Variants in FZR1 observed in about 807,000 individuals in gnomAD.
FZR1 encodes fizzy-related protein homolog.
FZR1 carries 11 observed loss-of-function variants against 63.6 expected under a neutral mutation model. The ratio of observed to expected loss-of-function variants is 0.17; its 90% CI spans 0.11 to 0.29. FZR1 has a LOEUF of 0.29. Ranked by LOEUF, FZR1 falls within the 10% of genes least tolerant of loss-of-function variation. The pLI, the probability that FZR1 is intolerant of heterozygous loss-of-function variation, is 1.00. For missense variants in FZR1, 440 were observed against 687.5 expected (o/e 0.64, Z 4.03); for synonymous variants, 328 against 297.9 (o/e 1.10, Z -1.04).
At chr19:3,510,411 T>C (rs1978236) in intron 1 of FZR1, among the ~76,000 whole-genome samples, 142,114 of 152,346 alleles carry the variant, frequency 0.93, 66,411 homozygotes, top group East Asian at 1. Context: ...CTGGGATTAC[T>C]GGCGGAGCCA....
In FZR1 at chr19:3,537,721, G is replaced by C. The variant is rs1472204005; in HGVS notation, c.*2885G>C. 6.5e-6 allele frequency: 1 copy of C among 152,738 alleles called. No individual in the cohort carries two copies. Among genetic ancestry groups the C allele is most frequent in the Non-Finnish European group, 1.5e-5 (1 of 68,470 alleles). 9.5% of individuals were successfully genotyped at this position (152,738 alleles called of 1,614,324 possible). On this transcript the variant is annotated 3_prime_UTR_variant, in exon 14 of 14. Coordinates refer to ENST00000441788, the MANE Select transcript of FZR1 (RefSeq NM_016263.4). ...CGCTCTTGCGCGGTGCCTGAGAAGAGGGTGAAGGAGCTGGGGCAGGCCCCA... is the reference window on the plus strand; with the variant it reads ...CGCTCTTGCGCGGTGCCTGAGAAGACGGTGAAGGAGCTGGGGCAGGCCCCA...
At position 3,529,925 on chromosome 19, in the gene FZR1, C is replaced by T. The variant is rs1449624190; in HGVS notation, c.655-867C>T. Among the ~76,000 whole-genome samples, 5 of 86,174 alleles carry T rather than the reference C, an allele frequency of 5.8e-5. 1 individual carries two copies. The highest frequency in any genetic ancestry group is 9.4e-5 in the Non-Finnish European group (4 of 42,404). 56.5% of individuals were successfully genotyped at this position (86,174 alleles called of 152,430 possible). On this transcript the variant is annotated intron_variant, in intron 7 of 13. Coordinates refer to ENST00000441788, the MANE Select transcript of FZR1 (RefSeq NM_016263.4). ...GTGGTTGAGGGAGCGGATGGGTGAGCGGATGGGAGAGCGCATGGGTGAGCA... is the reference window on the plus strand; with the variant it reads ...GTGGTTGAGGGAGCGGATGGGTGAGTGGATGGGAGAGCGCATGGGTGAGCA...
Position 3,535,009 on chromosome 19 carries a change from A to T in FZR1, c.*173A>T. On this transcript the variant is annotated 3_prime_UTR_variant, in exon 14 of 14. Coordinates refer to ENST00000441788, the MANE Select transcript of FZR1 (RefSeq NM_016263.4). Reference sequence around the variant, plus strand: ...CTCATTAAATGCCTGATTGTGAACCATGTCCACCAGTATCTGGGGTGGGCA... The same window carrying T: ...CTCATTAAATGCCTGATTGTGAACCTTGTCCACCAGTATCTGGGGTGGGCA... 1 of 620,516 alleles carries T rather than the reference A, an allele frequency of 1.6e-6. No homozygotes were observed. Among genetic ancestry groups the T allele is most frequent in the East Asian group, 2.8e-5 (1 of 36,054 alleles). The allele number at this position is 620,516 out of a possible 1,614,324, so 38.4% of individuals were successfully genotyped here. A position where few individuals can be genotyped will look rare whatever the true frequency, so the allele number is the denominator to read the frequency against.
In FZR1 at chr19:3,525,708, C is replaced by T. The variant is rs1038792869; in HGVS notation, c.70-160C>T. On this transcript the variant is annotated intron_variant, in intron 2 of 13. Coordinates refer to ENST00000441788, the MANE Select transcript of FZR1 (RefSeq NM_016263.4). This position sits in a 1 kb window ranked among gnomAD's most constrained non-coding sequence, Gnocchi z 4.2. Reference sequence around the variant, plus strand: ...CCGCCCGCCTCGGCCTCCCAAAGTGCTGGGATTACGGGCGTGAGCCACCGC... The same window carrying T: ...CCGCCCGCCTCGGCCTCCCAAAGTGTTGGGATTACGGGCGTGAGCCACCGC... Among the ~76,000 whole-genome samples the T allele has an allele frequency of 5.9e-5, 9 of 152,222 alleles. No homozygotes were observed. Among genetic ancestry groups the T allele is most frequent in the African/African-American group, 2.2e-4 (9 of 41,546 alleles).
intron 1 of FZR1, among the ~76,000 whole-genome samples, chr19:3,513,781 G>A (rs1311882370): frequency 2.6e-5 from 4 of 152,170 alleles, no homozygotes; most frequent in Non-Finnish European, 5.9e-5. Flanking sequence ...CTCACCTGCA[G>A]GCTGGAGTTA....
rs2083117605 is a variant in FZR1, at chr19:3,523,012, G to A, written c.23G>A (p.Arg8His). The A allele has an allele frequency of 1.2e-6, 2 of 1,611,708 alleles. No homozygotes were observed. The highest frequency in any genetic ancestry group is 1.7e-6 in the Non-Finnish European group (2 of 1,178,904). Reference protein sequence around the residue: MDQDYERRLLRQIVIQNE... With the variant: MDQDYERHLLRQIVIQNE... ...GCCATGGACCAGGACTATGAGCGGCGCCTGCTTCGCCAGATCGTCATCCAG... is the reference window on the plus strand; with the variant it reads ...GCCATGGACCAGGACTATGAGCGGCACCTGCTTCGCCAGATCGTCATCCAG... Residue 8 changes from arginine to histidine, a missense_variant, in exon 2 of 14, where the codon CGC (arginine) becomes CAC (histidine). Physicochemically the swap from Arg to His is conservative, Grantham distance 29 (BLOSUM62 0). This residue lies in a region of FZR1 where 200 missense variants were observed against 245.1 expected (regional missense o/e 0.82). Coordinates refer to ENST00000441788, the MANE Select transcript of FZR1 (RefSeq NM_016263.4).
chr19:3,533,454 GC>G lies in FZR1; in HGVS notation c.1347+58del, dbSNP rs1162691909. ...CCGGGATTCTGGACAAACTGCCATG[GC>G]CACCCCAGAGCACCCTGTCCTGTGT... On this transcript the variant is annotated intron_variant, in intron 12 of 13. Transcript: ENST00000441788. The surrounding 1 kb of genome is among the most constrained non-coding windows in gnomAD (Gnocchi z 4.9). The G allele has an allele frequency of 2.8e-6, 3 of 1,059,346 alleles. No homozygotes were observed. The African/African-American group carries it at 4.7e-5, about 17-fold the overall frequency. 65.6% of individuals were successfully genotyped at this position (1,059,346 alleles called of 1,614,324 possible). A position where few individuals can be genotyped will look rare whatever the true frequency, so the allele number is the denominator to read the frequency against.
In FZR1 at chr19:3,533,253, C is replaced by T. The variant is rs776993603; in HGVS notation, c.1243-41C>T. The T allele has an allele frequency of 2.0e-5, 25 of 1,252,156 alleles. No homozygotes were observed. The highest frequency in any genetic ancestry group is 1.3e-4 in the African/African-American group (9 of 67,868). 77.6% of individuals were successfully genotyped at this position (1,252,156 alleles called of 1,614,324 possible). A position where few individuals can be genotyped will look rare whatever the true frequency, so the allele number is the denominator to read the frequency against. ...AGGCAGCAGGCATAGCACCCGGCCT[C>T]GTTGCCCCTCACCGACCGCAGCGCC... On this transcript the variant is annotated intron_variant, in intron 11 of 13. Coordinates refer to ENST00000441788, the MANE Select transcript of FZR1 (RefSeq NM_016263.4). The surrounding 1 kb of genome is among the most constrained non-coding windows in gnomAD (Gnocchi z 4.9).
At position 3,533,528 on chromosome 19, in the gene FZR1, G is replaced by A; in HGVS notation, c.1347+130G>A. On this transcript the variant is annotated intron_variant, in intron 12 of 13. Coordinates refer to ENST00000441788, the MANE Select transcript of FZR1 (RefSeq NM_016263.4). The surrounding 1 kb of genome is among the most constrained non-coding windows in gnomAD (Gnocchi z 4.9). ...ATCTAAAACCCCGTGGGACCCAGCA[G>A]CAGGGGCCGGCAGGGCATCTGGTGC... 1.6e-6 allele frequency: 1 copy of A among 622,682 alleles called. No homozygotes were observed. The highest frequency in any genetic ancestry group is 2.8e-5 in the East Asian group (1 of 35,332). 38.6% of individuals were successfully genotyped at this position (622,682 alleles called of 1,614,324 possible). A position where few individuals can be genotyped will look rare whatever the true frequency, so the allele number is the denominator to read the frequency against.
rs559477134 is a variant in FZR1 at position 3,535,242 on chromosome 19, C to T, written c.*406C>T. 15 of 185,568 alleles carry T rather than the reference C, an allele frequency of 8.1e-5. No homozygotes were observed. Among genetic ancestry groups the T allele is most frequent in the South Asian group, 2.2e-4 (2 of 9,268 alleles). 11.5% of individuals were successfully genotyped at this position (185,568 alleles called of 1,614,324 possible). On this transcript the variant is annotated 3_prime_UTR_variant, in exon 14 of 14. Transcript: ENST00000441788. ...CGTCTGCACAGAACAGACCACCAGA[C>T]GCCAGGGCTGATTGGTGGGGGCCTG...
chr19:3,526,406 C>CA lies in FZR1; in HGVS notation c.387+21dup. On this transcript the variant is annotated intron_variant, in intron 5 of 13. Coordinates refer to ENST00000441788, the MANE Select transcript of FZR1 (RefSeq NM_016263.4). The surrounding 1 kb of genome is among the most constrained non-coding windows in gnomAD (Gnocchi z 5.4). ...TTCACGGTAAGCCTGCGGCACCCCC[C>CA]ACCCGGGAGCTGGCTCCCAGTGCAG... 1 of 1,548,584 alleles carries CA rather than the reference C, an allele frequency of 6.5e-7. No individual in the cohort carries two copies. The highest frequency in any genetic ancestry group is 8.7e-7 in the Non-Finnish European group (1 of 1,145,804).
chr19:3,513,053 T>C (rs2083034906), intron 1 of FZR1, among the ~76,000 whole-genome samples: 1 of 151,966 alleles, frequency 6.6e-6, no homozygotes, highest in Non-Finnish European at 1.5e-5. Context: ...GCCTTTCACA[T>C]GAGGAGGGGG....
intron 1 of FZR1, among the ~76,000 whole-genome samples, chr19:3,510,992 C>T (rs1210459011): frequency 1.3e-5 from 2 of 152,264 alleles, no homozygotes; most frequent in Admixed American, 6.5e-5. Flanking sequence ...CGCCTCACCT[C>T]GCCTGGGACC....
At position 3,514,361 on chromosome 19, in the gene FZR1, T is replaced by C. The variant is rs2083043831; in HGVS notation, c.-35+7887T>C. Among the ~76,000 whole-genome samples the C allele has an allele frequency of 2.6e-5, 4 of 152,166 alleles. No individual in the cohort carries two copies. ...TGCCCGAGAGCAGGGTCTCTGCCCT[T>C]GCACCCTGTGGACATTGGGGCCGGA... On this transcript the variant is annotated intron_variant, in intron 1 of 13. Coordinates refer to ENST00000441788, the MANE Select transcript of FZR1 (RefSeq NM_016263.4). This position sits in a 1 kb window ranked among gnomAD's most constrained non-coding sequence, Gnocchi z 4.2.
intron 8 of FZR1, among the ~76,000 whole-genome samples, chr19:3,531,166 A>G (rs1280328791): frequency 2.0e-5 from 3 of 152,126 alleles, no homozygotes; most frequent in African/African-American, 4.8e-5. Context: ...CTCAGGGTCG[A>G]GTGGGCTTTA....
intron 10 of FZR1, 106 bp from the exon 11 acceptor site, chr19:3,532,308 CAGG>C: frequency 2.2e-6 from 2 of 903,492 alleles, no homozygotes; most frequent in South Asian, 1.7e-5. Flanking sequence ...GAGGGAGCAG[CAGG>C]AGGAGTGTGG....
Position 3,525,754 on chromosome 19 carries a change from T to A in FZR1, c.70-114T>A, listed in dbSNP as rs1271244493. On this transcript the variant is annotated intron_variant, in intron 2 of 13. Coordinates refer to ENST00000441788, the MANE Select transcript of FZR1 (RefSeq NM_016263.4). This position sits in a 1 kb window ranked among gnomAD's most constrained non-coding sequence, Gnocchi z 4.2. ...ACCGCGCCTGGCCCACCCCTTGGGT[T>A]TTCAAGATCAAAGCCCCCTTTGCTC... 10 of 1,349,622 alleles carry A rather than the reference T, an allele frequency of 7.4e-6. No homozygotes were observed. In the East Asian group the frequency reaches 2.3e-4, roughly 31 times the overall value. 83.6% of individuals were successfully genotyped at this position (1,349,622 alleles called of 1,614,324 possible).
At chr19:3,532,994 G>T (rs796524433) in intron 11 of FZR1, among the ~76,000 whole-genome samples, 3 of 152,126 alleles carry the variant, frequency 2.0e-5, no homozygotes, top group African/African-American at 7.2e-5. Flanking sequence ...CAGCCACTCC[G>T]GGCGTGTCAC....
At chr19:3,523,893 G>A (rs1210659087) in intron 2 of FZR1, among the ~76,000 whole-genome samples, 1 of 152,196 alleles carries the variant, frequency 6.6e-6, no homozygotes, top group African/African-American at 2.4e-5. Flanking sequence ...AGACCCCAAA[G>A]CCTGGGTCCC....
Sources: allele counts gnomAD v4.1 joint callset (sites outside exome capture counted in the v4.1 genomes callset), GRCh38; gene constraint gnomAD v4.1.1; regional missense constraint gnomAD v4.1.1; non-coding constraint Gnocchi (gnomAD v3.1); transcripts MANE v1.5; gene names NCBI Gene and HGNC (gene_info 2026-07-23, HGNC 2026-07-21).